Variants in CLCA2 observed in about 807,000 individuals in gnomAD.
CLCA2 encodes chloride channel accessory 2.
Under a neutral mutation model 82.9 loss-of-function variants are expected in CLCA2, and 85 were observed. That is an observed-to-expected ratio of 1.03 (90% CI 0.86 to 1.23). The LOEUF (loss-of-function observed/expected upper bound fraction) is 1.23, where lower values mean the gene tolerates loss of function less well. Ranked by LOEUF, CLCA2 falls within the 50% of genes most tolerant of loss-of-function variation. CLCA2 has a pLI of 0.00. For synonymous variants in CLCA2, 421 were observed against 391.7 expected, an observed-to-expected ratio of 1.07 and a Z score of -0.88; for missense variants, 1,089 against 1,124.8, an observed-to-expected ratio of 0.97 and a Z score of 0.45.
Position 86,455,431 on chromosome 1 carries a change from G to A in CLCA2, c.2736G>A (p.Leu912=). ...AAGGAGTTTTAACAGCAATGGGTTTGATAGGAATCATTTGCCTTATTATAG... is the reference window on the plus strand; with the variant it reads ...AAGGAGTTTTAACAGCAATGGGTTTAATAGGAATCATTTGCCTTATTATAG... ...ILKGVLTAMG[L]IGIICLIIVV... is the part of the protein sequence containing the mutation. The change falls in exon 14 of 14, where the codon TTG becomes TTA. Residue 912 remains leucine (L), a synonymous_variant. Coordinates refer to ENST00000370565, the MANE Select transcript of CLCA2 (RefSeq NM_006536.7). 6.3e-7 allele frequency: 1 copy of A among 1,599,362 alleles called. No homozygotes were observed.
At chr1:86,450,443 G>C in intron 11 of CLCA2, 120 bp from the exon 12 acceptor site, 5 of 700,936 alleles carry the variant, frequency 7.1e-6, no homozygotes, top group African/African-American at 1.8e-5. Flanking sequence ...AAGTAGATAA[G>C]AGCATGATAA....
intron 3 of CLCA2, among the ~76,000 whole-genome samples, chr1:86,429,410 T>TAAGG (rs1662449570): frequency 6.6e-6 from 1 of 152,142 alleles, no homozygotes; most frequent in South Asian, 2.1e-4. Flanking sequence ...GAGACAGCAT[T>TAAGG]AAGGAACAAG....
chr1:86,435,283 T>G (rs1001008549), intron 6 of CLCA2, among the ~76,000 whole-genome samples: 2 of 152,212 alleles, frequency 1.3e-5, no homozygotes, highest in East Asian at 1.9e-4. Flanking sequence ...TTTTTGCTAC[T>G]AATTGAAACT....
chr1:86,438,369 T>A (rs1223848312), intron 6 of CLCA2, among the ~76,000 whole-genome samples: 1 of 152,170 alleles, frequency 6.6e-6, no homozygotes, highest in East Asian at 1.9e-4. Context: ...CAATTCTAAT[T>A]TCATAAACAA....
rs1032859938 is a variant in CLCA2, at chr1:86,456,527, G to A, written c.*1000G>A. ...CCTCTTATTTTTTTAAAAGATTATC[G>A]AACAATAAAATCATTTGCCTTTTTA... On this transcript the variant is annotated 3_prime_UTR_variant, in exon 14 of 14. Coordinates refer to ENST00000370565, the MANE Select transcript of CLCA2 (RefSeq NM_006536.7). 2.6e-5 allele frequency: 4 copies of A among 151,846 alleles called. No individual in the cohort carries two copies. Among genetic ancestry groups the A allele is most frequent in the East Asian group, 3.9e-4 (2 of 5,186 alleles). The allele number at this position is 151,846 out of a possible 1,614,324, so 9.4% of individuals were successfully genotyped here. A position where few individuals can be genotyped will look rare whatever the true frequency, so the allele number is the denominator to read the frequency against.
intron 5 of CLCA2, among the ~76,000 whole-genome samples, chr1:86,432,897 A>C (rs1327758594): frequency 1.3e-5 from 2 of 152,196 alleles, no homozygotes; most frequent in Non-Finnish European, 2.9e-5. Context: ...TCTGTATTTG[A>C]AATGCCTTTC....
rs569157578 is a variant in CLCA2, at chr1:86,434,589, C to T, written c.816C>T (p.Leu272=). The T allele has an allele frequency of 3.0e-5, 48 of 1,614,000 alleles. No individual in the cohort carries two copies. Among genetic ancestry groups the T allele is most frequent in the Non-Finnish European group, 3.6e-5 (42 of 1,180,010 alleles). Residue 272 remains leucine, a synonymous_variant, in exon 6 of 14, where the codon CTC becomes CTT. Coordinates refer to ENST00000370565, the MANE Select transcript of CLCA2 (RefSeq NM_006536.7). ...APNLQNQMCS[L]RSAWDVITDS... ...ACCTACAGAACCAGATGTGCAGCCT[C>T]AGAAGTGCATGGGATGTAATCACAG...
intron 11 of CLCA2, chr1:86,448,431 C>T (rs1558117948): frequency 1.3e-5 from 2 of 152,274 alleles, no homozygotes; most frequent in South Asian, 2.1e-4. Context: ...TTCAGAGCCT[C>T]GTCATCATAC....
At position 86,438,947 on chromosome 1, in the gene CLCA2, C is replaced by T. The variant is rs376179565; in HGVS notation, c.1044C>T (p.Phe348=). 20 of 1,613,982 alleles carry T rather than the reference C, an allele frequency of 1.2e-5. No homozygotes were observed. The highest frequency in any genetic ancestry group is 9.9e-5 in the South Asian group (9 of 91,088). Residue 348 remains phenylalanine, a synonymous_variant, in exon 7 of 14, where the codon TTC becomes TTT. Transcript: ENST00000370565. ...TGCAGATTGTTGAAATTCATACCTT[C>T]GTGGGCATTGCCAGTTTCGACAGCA... ...YLMQIVEIHT[F]VGIASFDSKG... is the part of the protein sequence containing the mutation.
rs780523591 is a variant in CLCA2 at position 86,425,341 on chromosome 1, AATG to A, written c.192_194del (p.Met64del). ...GTTTTTCTTTTGTCTGGCTGTAGGAAATGATAACTGAAGCTTCATTTTACCTAT... is the reference window on the plus strand; with the variant it reads ...GTTTTTCTTTTGTCTGGCTGTAGGAAATAACTGAAGCTTCATTTTACCTAT... On this transcript the variant is annotated inframe_deletion, in exon 2 of 14. Transcript: ENST00000370565. 1 of 1,553,986 alleles carries A rather than the reference AATG, an allele frequency of 6.4e-7. No individual in the cohort carries two copies. The highest frequency in any genetic ancestry group is 1.3e-5 in the South Asian group (1 of 79,780).
At chr1:86,428,288 G>T (rs1662426745) in intron 2 of CLCA2, 130 bp from the exon 3 acceptor site, 1 of 801,802 alleles carries the variant, frequency 1.2e-6, no homozygotes, top group Non-Finnish European at 1.8e-6. Context: ...TTTTTAAATT[G>T]GGTTATAATT....
chr1:86,424,434 G>T lies in CLCA2; in HGVS notation c.186+1G>T. ...TCAGAACCTCATCTCAAACATTAAG[G>T]TGAGTGGAAATTATGAAATTGATAC... On this transcript the variant is annotated splice_donor_variant, in intron 1 of 13. Coordinates refer to ENST00000370565, the MANE Select transcript of CLCA2 (RefSeq NM_006536.7). LOFTEE classifies it high-confidence loss of function. 6.2e-7 allele frequency: 1 copy of T among 1,603,572 alleles called. No homozygotes were observed. The highest frequency in any genetic ancestry group is 1.3e-5 in the African/African-American group (1 of 74,562).
At chr1:86,438,535 T>G (rs1453656551) in intron 6 of CLCA2, among the ~76,000 whole-genome samples, 1 of 152,206 alleles carries the variant, frequency 6.6e-6, no homozygotes, top group East Asian at 1.9e-4. Context: ...ACTGCATTTT[T>G]AAAACAGCAG....
intron 12 of CLCA2, among the ~76,000 whole-genome samples, chr1:86,452,169 C>T: frequency 7.6e-6 from 1 of 132,200 alleles, no homozygotes; most frequent in Non-Finnish European, 1.6e-5. Flanking sequence ...TTTTAGAAAC[C>T]TGGAAGCTTT....
rs777089813 is a variant in CLCA2, at chr1:86,455,433, T to C, written c.2738T>C (p.Ile913Thr). The C allele has an allele frequency of 2.5e-6, 4 of 1,598,562 alleles. No homozygotes were observed. In the South Asian group the frequency reaches 4.6e-5, roughly 18 times the overall value. ...LKGVLTAMGLIGIICLIIVVT... is the reference protein window; with the variant it reads ...LKGVLTAMGLTGIICLIIVVT... ...GGAGTTTTAACAGCAATGGGTTTGA[T>C]AGGAATCATTTGCCTTATTATAGTT... Residue 913 changes from isoleucine (I) to threonine (T), a missense_variant, in exon 14 of 14, where the codon ATA (isoleucine) becomes ACA (threonine). By Grantham distance (89) the Ile-to-Thr change is moderately conservative (BLOSUM62 -1). Coordinates refer to ENST00000370565, the MANE Select transcript of CLCA2 (RefSeq NM_006536.7).
At chr1:86,429,876 G>A (rs376536172) in intron 3 of CLCA2, among the ~76,000 whole-genome samples, 58 of 152,242 alleles carry the variant, frequency 3.8e-4, no homozygotes, top group African/African-American at 1.3e-3. Flanking sequence ...TTAGAAAAAC[G>A]TAGTTTTTTT....
At chr1:86,425,591 A>G (rs965511661) in intron 2 of CLCA2, 115 bp downstream of exon 2, 1 of 760,106 alleles carries the variant, frequency 1.3e-6, no homozygotes, top group Non-Finnish European at 1.9e-6. Context: ...AGTATTAACA[A>G]TGCAAATAAT....
At position 86,424,289 on chromosome 1, in the gene CLCA2, G is replaced by A. The variant is rs762940689; in HGVS notation, c.42G>A (p.Lys14=). 4 of 1,613,846 alleles carry A rather than the reference G, an allele frequency of 2.5e-6. No individual in the cohort carries two copies. The South Asian group carries it at 4.4e-5, about 18-fold the overall frequency. Reference sequence around the variant, plus strand: ...TTGCAGGTCCTATTTGCAACCTGAAGTTTGTGACTCTCCTGGTTGCCTTAA... The same window carrying A: ...TTGCAGGTCCTATTTGCAACCTGAAATTTGTGACTCTCCTGGTTGCCTTAA... The part of the protein sequence containing the change: ...RSIAGPICNL[K]FVTLLVALSS... The change falls in exon 1 of 14, where the codon AAG becomes AAA. Residue 14 remains lysine, a synonymous_variant. Transcript: ENST00000370565.
At chr1:86,436,721 T>G (rs920991140) in intron 6 of CLCA2, among the ~76,000 whole-genome samples, 7 of 122,862 alleles carry the variant, frequency 5.7e-5, no homozygotes, top group Middle Eastern at 4.9e-3. Flanking sequence ...GTTGTTTTGG[T>G]TTTTTTTTTG....
Sources: allele counts gnomAD v4.1 joint callset (sites outside exome capture counted in the v4.1 genomes callset), GRCh38; gene constraint gnomAD v4.1.1; transcripts MANE v1.5; gene names NCBI Gene and HGNC (gene_info 2026-07-23, HGNC 2026-07-21).